The following PIAS1 variants were observed in gnomAD, a reference collection of about 807,000 sequenced individuals.
PIAS1 encodes the protein E3 SUMO-protein ligase PIAS1.
In PIAS1, 6 loss-of-function variants were observed where a neutral mutation model predicts 71.3. The ratio of observed to expected loss-of-function variants is 0.08; its 90% confidence interval spans 0.05 to 0.17. PIAS1 has a LOEUF of 0.17. Among genes scored for constraint, PIAS1 ranks in the 10% least tolerant of loss-of-function variants. The probability of loss-of-function intolerance (pLI) is 1.00; values close to 1 mark genes in which losing one functional copy is unlikely to be tolerated. For synonymous variants in PIAS1, 303 were observed against 292.9 expected, an observed-to-expected ratio of 1.03 and a Z score of -0.35; for missense variants, 555 against 793.6, an observed-to-expected ratio of 0.70 and a Z score of 3.61.
At chr15:68,084,682 C>T (rs992604382) in intron 1 of PIAS1, among the ~76,000 whole-genome samples, 1 of 152,160 alleles carries the variant, frequency 6.6e-6, no homozygotes, top group African/African-American at 2.4e-5. Flanking sequence ...CATTCATTCA[C>T]TCATTGATTA....
At chr15:68,071,653 C>T (rs1021063867) in intron 1 of PIAS1, among the ~76,000 whole-genome samples, 1 of 152,046 alleles carries the variant, frequency 6.6e-6, no homozygotes, top group African/African-American at 2.4e-5. Context: ...TTATTTCAGA[C>T]TGGGCCTTAG....
intron 2 of PIAS1, among the ~76,000 whole-genome samples, chr15:68,128,512 T>C (rs1235030961): frequency 6.6e-6 from 1 of 152,242 alleles, no homozygotes; most frequent in African/African-American, 2.4e-5. Flanking sequence ...GGTTGTTGGC[T>C]AGGGTGTGGT....
intron 2 of PIAS1, among the ~76,000 whole-genome samples, chr15:68,131,525 C>T (rs1411010871): frequency 1.3e-4 from 19 of 151,904 alleles, no homozygotes; most frequent in Admixed American, 1.2e-3. Context: ...TATCTGGTAA[C>T]CACCATTCTA....
At chr15:68,133,126 A>G (rs2092698958) in intron 2 of PIAS1, among the ~76,000 whole-genome samples, 1 of 152,028 alleles carries the variant, frequency 6.6e-6, no homozygotes, top group Non-Finnish European at 1.5e-5. Context: ...CCATACCAAC[A>G]CATAGAAATC....
At chr15:68,092,761 G>T (rs2092343658) in intron 2 of PIAS1, among the ~76,000 whole-genome samples, 1 of 152,144 alleles carries the variant, frequency 6.6e-6, no homozygotes, top group Non-Finnish European at 1.5e-5. Flanking sequence ...GCTAAAAGGT[G>T]CTGTCTATGA....
chr15:68,171,508 G>C lies in PIAS1; in HGVS notation c.1009-2224G>C, dbSNP rs1803682742. Among the ~76,000 whole-genome samples, 1 of 152,184 alleles carries C rather than the reference G, an allele frequency of 6.6e-6. No individual in the cohort carries two copies. Among genetic ancestry groups the C allele is most frequent in the African/African-American group, 2.4e-5 (1 of 41,440 alleles). The stretch of plus-strand genomic sequence containing the variant: ...TGCTTGATTGTAATCATATGCAGGA[G>C]TGTAGAGTTGGGAGTACACAGAAGG... On this transcript the variant is annotated intron_variant, in intron 8 of 13. Transcript: ENST00000249636. The surrounding 1 kb of genome is among the most constrained non-coding windows in gnomAD (Gnocchi z 4.4).
At chr15:68,125,342 A>G (rs1400556911) in intron 2 of PIAS1, among the ~76,000 whole-genome samples, 3 of 152,170 alleles carry the variant, frequency 2.0e-5, no homozygotes, top group Non-Finnish European at 2.9e-5. Context: ...ACCCAAACAC[A>G]GGATACTCTG....
chr15:68,161,825 G>A (rs1309685757), intron 7 of PIAS1, among the ~76,000 whole-genome samples: 1 of 151,916 alleles, frequency 6.6e-6, no homozygotes, highest in Non-Finnish European at 1.5e-5. Flanking sequence ...AGCTACTTGG[G>A]AGGCTGAGGC....
chr15:68,163,695 C>T (rs2092938915), intron 7 of PIAS1, among the ~76,000 whole-genome samples: 1 of 152,170 alleles, frequency 6.6e-6, no homozygotes, highest in Admixed American at 6.5e-5. Flanking sequence ...TTGTAACTTA[C>T]CCGAGTACTT....
chr15:68,156,746 C>T (rs527848007), intron 7 of PIAS1, among the ~76,000 whole-genome samples: 7 of 145,104 alleles, frequency 4.8e-5, no homozygotes, highest in Non-Finnish European at 9.0e-5. Flanking sequence ...AGAGAGAGAG[C>T]GCCAAGAAGG....
intron 7 of PIAS1, among the ~76,000 whole-genome samples, chr15:68,162,323 A>G (rs2092929774): frequency 6.6e-6 from 1 of 152,162 alleles, no homozygotes. Flanking sequence ...TTAAGTGGAA[A>G]TTTAAATATG....
intron 1 of PIAS1, among the ~76,000 whole-genome samples, chr15:68,077,128 A>G (rs1002366653): frequency 2.0e-5 from 3 of 152,272 alleles, no homozygotes; most frequent in African/African-American, 2.4e-5. Context: ...TTTAGTTAAC[A>G]TAAGCAACAG....
rs1395418114 is a variant in PIAS1, at chr15:68,186,591, T to A, written c.1663-951T>A. Among the ~76,000 whole-genome samples the A allele has an allele frequency of 3.3e-5, 5 of 152,372 alleles. No homozygotes were observed. The East Asian group carries it at 9.6e-4, about 29-fold the overall frequency. On this transcript the variant is annotated intron_variant, in intron 13 of 13. Coordinates refer to ENST00000249636, the MANE Select transcript of PIAS1 (RefSeq NM_016166.3). This position sits in a 1 kb window ranked among gnomAD's most constrained non-coding sequence, Gnocchi z 4.4. ...TTATAAAGTCTACAGTAGTGTACAA[T>A]AATGTCCTAAGCCTCACATTCACTC... is the stretch of plus-strand genomic sequence containing the variant.
intron 10 of PIAS1, among the ~76,000 whole-genome samples, chr15:68,176,133 C>A (rs1228328246): frequency 6.6e-6 from 1 of 152,006 alleles, no homozygotes; most frequent in Non-Finnish European, 1.5e-5. Context: ...TGTAAAGACA[C>A]TATGAGTTTT....
At chr15:68,063,019 A>G (rs2091978098) in intron 1 of PIAS1, among the ~76,000 whole-genome samples, 2 of 131,396 alleles carry the variant, frequency 1.5e-5, no homozygotes, top group Non-Finnish European at 3.5e-5. Flanking sequence ...TTTGCTATAC[A>G]CTACTGGTTT....
chr15:68,163,417 A>G (rs563683999), intron 7 of PIAS1, among the ~76,000 whole-genome samples: 15 of 152,340 alleles, frequency 9.8e-5, no homozygotes, highest in African/African-American at 3.6e-4. Flanking sequence ...TTTCCAGGCC[A>G]TGAAATGACT....
At chr15:68,068,198 A>G in intron 1 of PIAS1, among the ~76,000 whole-genome samples, 1 of 151,950 alleles carries the variant, frequency 6.6e-6, no homozygotes, top group East Asian at 1.9e-4. Flanking sequence ...TATGACAAAA[A>G]CCTGTGTCTA....
chr15:68,107,928 A>G (rs2092486649), intron 2 of PIAS1, among the ~76,000 whole-genome samples: 1 of 152,190 alleles, frequency 6.6e-6, no homozygotes, highest in African/African-American at 2.4e-5. Context: ...ATAGCCAGAA[A>G]CTATTAACTA....
chr15:68,080,124 G>T (rs1430248019), intron 1 of PIAS1, among the ~76,000 whole-genome samples: 1 of 152,148 alleles, frequency 6.6e-6, no homozygotes, highest in Non-Finnish European at 1.5e-5. Flanking sequence ...GAGCCACTGC[G>T]CCTGGCTGGA....
Sources: allele counts gnomAD v4.1 joint callset (sites outside exome capture counted in the v4.1 genomes callset), GRCh38; gene constraint gnomAD v4.1.1; non-coding constraint Gnocchi (gnomAD v3.1); transcripts MANE v1.5; gene names NCBI Gene and HGNC (gene_info 2026-07-23, HGNC 2026-07-21).